Variants in ATP8A2 observed in about 807,000 individuals in gnomAD.
ATP8A2 encodes the protein phospholipid-transporting ATPase IB.
Under a neutral mutation model 165.6 loss-of-function variants are expected in ATP8A2, and 100 were observed. The observed-to-expected ratio is 0.60, with a 90% confidence interval of 0.51 to 0.71. The LOEUF (loss-of-function observed/expected upper bound fraction) is 0.71, where lower values mean the gene tolerates loss of function less well. Ranked by LOEUF, ATP8A2 falls within the 30% of genes least tolerant of loss-of-function variation. ATP8A2 has a pLI of 0.00. For missense variants in ATP8A2, 1,227 were observed against 1,479.5 expected, an observed-to-expected ratio of 0.83 and a Z score of 2.80; for synonymous variants, 543 against 548.8, an observed-to-expected ratio of 0.99 and a Z score of 0.15.
Position 26,020,134 on chromosome 13 carries a change from A to C in ATP8A2, c.*149A>C. 1.6e-6 allele frequency: 1 copy of C among 640,928 alleles called. No homozygotes were observed. The highest frequency in any genetic ancestry group is 2.7e-6 in the Non-Finnish European group (1 of 366,160). The allele number at this position is 640,928 out of a possible 1,614,324, so 39.7% of individuals were successfully genotyped here. A position where few individuals can be genotyped will look rare whatever the true frequency, so the allele number is the denominator to read the frequency against. Reference sequence around the variant, plus strand: ...CTTAGCCAAGCAGTTTGTTAGTTACATATTCCCTCGCAAACCTGGAGTGCA... The same window carrying C: ...CTTAGCCAAGCAGTTTGTTAGTTACCTATTCCCTCGCAAACCTGGAGTGCA... On this transcript the variant is annotated 3_prime_UTR_variant, in exon 37 of 37. Coordinates refer to ENST00000381655, the MANE Select transcript of ATP8A2 (RefSeq NM_016529.6).
chr13:25,987,236 T>A (rs368490788), intron 35 of ATP8A2, among the ~76,000 whole-genome samples: 1 of 152,228 alleles, frequency 6.6e-6, no homozygotes, highest in Admixed American at 6.5e-5. Flanking sequence ...TTTCACTGAC[T>A]GTGAGGTACC....
At chr13:25,436,952 T>G (rs1365348944) in intron 1 of ATP8A2, among the ~76,000 whole-genome samples, 1 of 152,024 alleles carries the variant, frequency 6.6e-6, no homozygotes, top group African/African-American at 2.4e-5. Context: ...AATTTTTGTA[T>G]TTTTTGTAGA....
chr13:25,978,523 C>G (rs1000851299), intron 35 of ATP8A2, among the ~76,000 whole-genome samples: 3 of 152,194 alleles, frequency 2.0e-5, no homozygotes, highest in Non-Finnish European at 2.9e-5. Context: ...TAAATTCTTA[C>G]AAAGGCGTAG....
At chr13:25,917,752 T>G (rs535627354) in intron 33 of ATP8A2, among the ~76,000 whole-genome samples, 12 of 152,348 alleles carry the variant, frequency 7.9e-5, no homozygotes, top group African/African-American at 2.9e-4. Context: ...TTTGGTGAAG[T>G]TTTAAAATAG....
chr13:25,536,089 A>G (rs2038273051), intron 6 of ATP8A2, among the ~76,000 whole-genome samples: 1 of 152,058 alleles, frequency 6.6e-6, no homozygotes, highest in South Asian at 2.1e-4. Flanking sequence ...ATGTAATTAA[A>G]CTATTCATAT....
chr13:25,900,595 G>T (rs1953712341), intron 33 of ATP8A2, among the ~76,000 whole-genome samples: 1 of 152,156 alleles, frequency 6.6e-6, no homozygotes, highest in Admixed American at 6.5e-5. Flanking sequence ...TTTGGCTAAA[G>T]GTTAATAAGG....
intron 25 of ATP8A2, among the ~76,000 whole-genome samples, chr13:25,728,703 C>T (rs565025349): frequency 6.6e-6 from 1 of 151,362 alleles, no homozygotes; most frequent in East Asian, 2.0e-4. Flanking sequence ...AGCACCGTGT[C>T]CCAGGTCACA....
chr13:25,487,058 G>C (rs1206016955), intron 2 of ATP8A2, among the ~76,000 whole-genome samples: 2 of 152,158 alleles, frequency 1.3e-5, no homozygotes, highest in Non-Finnish European at 2.9e-5. Context: ...TGCTTAGTAA[G>C]ACTTGAAAGA....
At chr13:25,435,155 T>C (rs2034722414) in intron 1 of ATP8A2, among the ~76,000 whole-genome samples, 1 of 151,724 alleles carries the variant, frequency 6.6e-6, no homozygotes, top group Non-Finnish European at 1.5e-5. Context: ...GAGTTTTGCT[T>C]TTTTGCCCAG....
chr13:25,998,368 C>T (rs1485194717), intron 35 of ATP8A2, among the ~76,000 whole-genome samples: 1 of 152,096 alleles, frequency 6.6e-6, no homozygotes, highest in East Asian at 1.9e-4. Flanking sequence ...AGCCTCATAA[C>T]AGTCTCCTAA....
rs965091168 is a variant in ATP8A2, at chr13:25,402,497, G to T, written c.76+30209G>T. On this transcript the variant is annotated intron_variant, in intron 1 of 36. Transcript: ENST00000381655. ...AGCATCGTTTCTTTTCTTCTGTGCT[G>T]GTGTGCCCTGGCACTGGCTCCTGGG... Among the ~76,000 whole-genome samples the T allele has an allele frequency of 8.5e-5, 13 of 152,166 alleles. 1 individual carries two copies. The highest frequency in any genetic ancestry group is 7.9e-4 in the Admixed American group (12 of 15,274).
At chr13:25,677,886 G>A (rs113928662) in intron 24 of ATP8A2, among the ~76,000 whole-genome samples, 1 of 152,138 alleles carries the variant, frequency 6.6e-6, no homozygotes, top group African/African-American at 2.4e-5. Flanking sequence ...GATGATGAGA[G>A]TTAGTGGTCC....
At chr13:25,418,311 C>G (rs1566117739) in intron 1 of ATP8A2, among the ~76,000 whole-genome samples, 1 of 152,130 alleles carries the variant, frequency 6.6e-6, no homozygotes, top group African/African-American at 2.4e-5. Context: ...CGTTTTCTTG[C>G]AGTCTTTTAA....
Position 25,786,754 on chromosome 13 carries a change from G to GATTTTTTTTTT in ATP8A2, c.2679+11795_2679+11796insATTTTTTTTTT, listed in dbSNP as rs58430501. ...AACCCTTTTTAATGCACAATTCTAT[G>GATTTTTTTTTT]TTTTTTTTTTTTTTTTTTTGAGACA... On this transcript the variant is annotated intron_variant, in intron 27 of 36. Coordinates refer to ENST00000381655, the MANE Select transcript of ATP8A2 (RefSeq NM_016529.6). 1.5e-5 allele frequency among the ~76,000 whole-genome samples: 2 copies of GATTTTTTTTTT among 134,644 alleles called. 1 individual carries two copies. Among genetic ancestry groups the GATTTTTTTTTT allele is most frequent in the Non-Finnish European group, 3.1e-5 (2 of 63,706 alleles). 88.3% of individuals were successfully genotyped at this position (134,644 alleles called of 152,430 possible). A position where few individuals can be genotyped will look rare whatever the true frequency, so the allele number is the denominator to read the frequency against.
chr13:25,509,589 T>C (rs888025261), intron 2 of ATP8A2, among the ~76,000 whole-genome samples: 1 of 152,150 alleles, frequency 6.6e-6, no homozygotes, highest in Non-Finnish European at 1.5e-5. Context: ...TGTGTTTTTT[T>C]CATTATAAGT....
At chr13:25,528,329 G>C (rs181807101) in intron 2 of ATP8A2, among the ~76,000 whole-genome samples, 1 of 152,132 alleles carries the variant, frequency 6.6e-6, no homozygotes, top group Non-Finnish European at 1.5e-5. Flanking sequence ...TAGCACCTTA[G>C]GTAGAAGTTG....
At chr13:25,411,429 A>C (rs929089835) in intron 1 of ATP8A2, among the ~76,000 whole-genome samples, 1 of 152,232 alleles carries the variant, frequency 6.6e-6, no homozygotes, top group African/African-American at 2.4e-5. Context: ...CAAATCACTT[A>C]GCTTTCTCAG....
Position 25,883,787 on chromosome 13 carries a change from G to A in ATP8A2, c.3183+21379G>A, listed in dbSNP as rs186481285. On this transcript the variant is annotated intron_variant, in intron 33 of 36. Coordinates refer to ENST00000381655, the MANE Select transcript of ATP8A2 (RefSeq NM_016529.6). ...AAACCTCACCACCTCCCAGTCTGCT[G>A]CACTGCCTGAAGCATGTGTGGATGT... Among the ~76,000 whole-genome samples, 3 of 152,300 alleles carry A rather than the reference G, an allele frequency of 2.0e-5. No individual in the cohort carries two copies. In the East Asian group the frequency reaches 5.8e-4, roughly 29 times the overall value.
intron 1 of ATP8A2, among the ~76,000 whole-genome samples, chr13:25,426,558 AT>A (rs1338208306): frequency 2.0e-5 from 3 of 152,188 alleles, no homozygotes; most frequent in Non-Finnish European, 2.9e-5. Context: ...GTGTGATACC[AT>A]TATGGTGGCT....
Sources: allele counts gnomAD v4.1 joint callset (sites outside exome capture counted in the v4.1 genomes callset), GRCh38; gene constraint gnomAD v4.1.1; transcripts MANE v1.5; gene names NCBI Gene and HGNC (gene_info 2026-07-23, HGNC 2026-07-21).